Variants in SYT9 observed in about 807,000 individuals in gnomAD.
SYT9 encodes synaptotagmin 9, also known as synaptotagmin-9.
Under a neutral mutation model 48.4 loss-of-function variants are expected in SYT9, and 22 were observed. That is an observed-to-expected ratio of 0.45 (90% CI 0.32 to 0.65). SYT9 has a LOEUF of 0.65. Among genes scored for constraint, SYT9 ranks in the 30% least tolerant of loss-of-function variants. SYT9 has a pLI of 0.03. For missense variants in SYT9, 577 were observed against 622.0 expected, an observed-to-expected ratio of 0.93 and a Z score of 0.77; for synonymous variants, 265 against 245.0, an observed-to-expected ratio of 1.08 and a Z score of -0.76.
chr11:7,291,662 T>C (rs1055635860), intron 1 of SYT9, among the ~76,000 whole-genome samples: 2 of 151,442 alleles, frequency 1.3e-5, no homozygotes, highest in Non-Finnish European at 2.9e-5. Flanking sequence ...TCATATATCC[T>C]GTGTCTTGCT....
chr11:7,459,407 C>T (rs4128947), intron 6 of SYT9, among the ~76,000 whole-genome samples: 47,187 of 151,696 alleles, frequency 0.31, 8,796 homozygotes, highest in African/African-American at 0.51. Context: ...GAAGAGAAAC[C>T]GATAGACTGA....
In SYT9 at chr11:7,417,957, A is replaced by C. The variant is rs758465655; in HGVS notation, c.1166A>C (p.Asp389Ala). The C allele has an allele frequency of 6.2e-7, 1 of 1,613,448 alleles. No individual in the cohort carries two copies. Among genetic ancestry groups the C allele is most frequent in the South Asian group, 1.1e-5 (1 of 90,968 alleles). ...CTCCTGCTTCTCATGGTCTGTCCAG[A>C]TCCCTATGTGAAAGTCTCGCTGATG... ...LKAMDITGAS[D>A]PYVKVSLMCD... is the part of the protein sequence containing the mutation. The change falls in exon 5 of 7, where the codon GAT becomes GCT. Residue 389 changes from aspartate to alanine, a missense_variant and splice_region_variant. Physicochemically the swap from Asp to Ala is moderately radical, Grantham distance 126 (BLOSUM62 -2). Transcript: ENST00000318881.
chr11:7,272,091 C>A (rs1237228060), intron 1 of SYT9, among the ~76,000 whole-genome samples: 2 of 152,278 alleles, frequency 1.3e-5, no homozygotes, highest in Non-Finnish European at 2.9e-5. Flanking sequence ...CAAAGACTGC[C>A]TCACCACTTA....
At chr11:7,310,026 A>G (rs1849102420) in intron 2 of SYT9, among the ~76,000 whole-genome samples, 2 of 152,220 alleles carry the variant, frequency 1.3e-5, no homozygotes, top group Admixed American at 1.3e-4. Context: ...AGTAAGTGTG[A>G]TTCTGAATGG....
At chr11:7,458,499 A>T (rs540070379) in intron 6 of SYT9, among the ~76,000 whole-genome samples, 2 of 152,060 alleles carry the variant, frequency 1.3e-5, no homozygotes, top group East Asian at 3.9e-4. Flanking sequence ...TTAATTAATT[A>T]ATTTAATTTA....
At chr11:7,370,847 G>A (rs868427121) in intron 3 of SYT9, among the ~76,000 whole-genome samples, 3 of 152,128 alleles carry the variant, frequency 2.0e-5, no homozygotes, top group Non-Finnish European at 4.4e-5. Context: ...AGGAAATGTT[G>A]GGAATGTATT....
chr11:7,405,589 G>C (rs1846992465), intron 3 of SYT9, among the ~76,000 whole-genome samples: 1 of 152,038 alleles, frequency 6.6e-6, no homozygotes, highest in East Asian at 1.9e-4. Context: ...CCAGCATCTG[G>C]AAAAAACAAT....
chr11:7,303,381 C>T lies in SYT9; in HGVS notation c.488C>T (p.Ser163Leu), dbSNP rs764531466. ...RVQRQVTEPTSSARHNSIRRQ... is the reference protein window; with the variant it reads ...RVQRQVTEPTLSARHNSIRRQ... ...CAGCGCCAAGTCACAGAGCCAACCT[C>T]GTCGGCCCGGTCAGTAATGCCTTCT... The change falls in exon 2 of 7, where the codon TCG becomes TTG. Residue 163 changes from serine to leucine, a missense_variant. Ser to Leu is a moderately radical substitution (Grantham distance 145, BLOSUM62 -2). Transcript: ENST00000318881. 4 of 1,606,782 alleles carry T rather than the reference C, an allele frequency of 2.5e-6. No individual in the cohort carries two copies. Among genetic ancestry groups the T allele is most frequent in the Non-Finnish European group, 3.4e-6 (4 of 1,177,602 alleles).
chr11:7,268,379 T>G (rs1275634487), intron 1 of SYT9, among the ~76,000 whole-genome samples: 1 of 151,948 alleles, frequency 6.6e-6, no homozygotes, highest in African/African-American at 2.4e-5. Context: ...AGAAAAAATA[T>G]GGAAGGCATC....
rs1239633286 is a variant in SYT9, at chr11:7,252,390, C to A, written c.145+59C>A. 7.4e-6 allele frequency: 10 copies of A among 1,360,096 alleles called. No homozygotes were observed. Among genetic ancestry groups the A allele is most frequent in the Non-Finnish European group, 9.5e-6 (10 of 1,055,742 alleles). The allele number at this position is 1,360,096 out of a possible 1,614,324, so 84.3% of individuals were successfully genotyped here. On this transcript the variant is annotated intron_variant, in intron 1 of 6. Coordinates refer to ENST00000318881, the MANE Select transcript of SYT9 (RefSeq NM_175733.4). The surrounding 1 kb of genome is among the most constrained non-coding windows in gnomAD (Gnocchi z 6.3). ...AGGGCCCTGGGCTGGGACTTGGGGCCGCACCGGGGCCTGAGGCAGAACAGC... is the reference window on the plus strand; with the variant it reads ...AGGGCCCTGGGCTGGGACTTGGGGCAGCACCGGGGCCTGAGGCAGAACAGC...
intron 1 of SYT9, among the ~76,000 whole-genome samples, chr11:7,266,198 C>T (rs1189030512): frequency 6.6e-6 from 1 of 152,074 alleles, no homozygotes; most frequent in African/African-American, 2.4e-5. Context: ...GCTGCTTGCT[C>T]TTCTTTAATC....
chr11:7,249,062 T>A (rs1049851053), upstream of SYT9, among the ~76,000 whole-genome samples: 1 of 152,140 alleles, frequency 6.6e-6, no homozygotes, highest in Non-Finnish European at 1.5e-5. Flanking sequence ...ATGATTCTTA[T>A]AAGGAAACTA....
rs758195780 is a variant in SYT9, at chr11:7,286,804, A to G, written c.146-16235A>G. 3.9e-5 allele frequency among the ~76,000 whole-genome samples: 6 copies of G among 152,166 alleles called. 1 individual carries two copies. The highest frequency in any genetic ancestry group is 7.3e-5 in the Non-Finnish European group (5 of 68,044). ...AAGAGTGATCTTTACTCCAGTTTCC[A>G]ACAAGTTCCCCGTCTCTATCTAAGA... On this transcript the variant is annotated intron_variant, in intron 1 of 6. Transcript: ENST00000318881.
chr11:7,382,338 T>A (rs1850581169), intron 3 of SYT9, among the ~76,000 whole-genome samples: 1 of 152,174 alleles, frequency 6.6e-6, no homozygotes, highest in Non-Finnish European at 1.5e-5. Flanking sequence ...ATAAATGTCA[T>A]GACTTGCAGA....
chr11:7,283,321 G>A (rs1348472648), intron 1 of SYT9, among the ~76,000 whole-genome samples: 1 of 151,920 alleles, frequency 6.6e-6, no homozygotes, highest in African/African-American at 2.4e-5. Flanking sequence ...TGGTAAATTA[G>A]GATGGAGAAA....
intron 3 of SYT9, among the ~76,000 whole-genome samples, chr11:7,329,466 T>C (rs927194528): frequency 3.3e-5 from 5 of 152,220 alleles, no homozygotes; most frequent in African/African-American, 1.2e-4. Flanking sequence ...ATATAGTATT[T>C]TCAGTCAGAT....
chr11:7,251,216 T>C (rs190546057), upstream of SYT9, among the ~76,000 whole-genome samples: 371 of 152,156 alleles, frequency 2.4e-3, 1 homozygote, highest in Non-Finnish European at 4.0e-3. Flanking sequence ...CTGAGGTTCC[T>C]TCCAACTCTC....
intron 3 of SYT9, among the ~76,000 whole-genome samples, chr11:7,383,409 T>G (rs1850601408): frequency 6.6e-6 from 1 of 152,160 alleles, no homozygotes; most frequent in Admixed American, 6.5e-5. Flanking sequence ...TCACTGGACA[T>G]TTGATCCAAA....
intron 1 of SYT9, among the ~76,000 whole-genome samples, chr11:7,260,883 G>A (rs1036556062): frequency 6.6e-6 from 1 of 152,202 alleles, no homozygotes; most frequent in Admixed American, 6.5e-5. Flanking sequence ...TATGCCAACA[G>A]TGACATCTTG....
Sources: gnomAD v4.1 joint callset for allele counts (sites outside exome capture counted in the v4.1 genomes callset) on GRCh38, gnomAD v4.1.1 for gene constraint, Gnocchi (gnomAD v3.1) non-coding constraint, MANE v1.5 for transcripts, NCBI Gene and HGNC (gene_info 2026-07-23, HGNC 2026-07-21) for gene names.